Variants in KCNMB2 observed in about 807,000 individuals in gnomAD.
The protein encoded by KCNMB2 is calcium-activated potassium channel subunit beta-2.
A neutral mutation model predicts 24.5 loss-of-function variants in KCNMB2; 9 were observed. The ratio of observed to expected loss-of-function variants is 0.37; its 90% confidence interval spans 0.22 to 0.64. KCNMB2 has a LOEUF of 0.64. Ranked by LOEUF, KCNMB2 falls within the 30% of genes least tolerant of loss-of-function variation. The probability of loss-of-function intolerance (pLI) is 0.63; values close to 1 mark genes in which losing one functional copy is unlikely to be tolerated. For missense variants in KCNMB2, 226 were observed against 284.3 expected, an observed-to-expected ratio of 0.79 and a Z score of 1.47; for synonymous variants, 109 against 104.4, an observed-to-expected ratio of 1.04 and a Z score of -0.27.
chr3:178,735,343 G>A (rs1723282905), intron 1 of KCNMB2, among the ~76,000 whole-genome samples: 1 of 152,142 alleles, frequency 6.6e-6, no homozygotes, highest in Admixed American at 6.5e-5. Context: ...GCCAAGAAAG[G>A]CACCAAAAAT....
chr3:178,624,910 C>A, intron 1 of KCNMB2, among the ~76,000 whole-genome samples: 1 of 152,010 alleles, frequency 6.6e-6, no homozygotes, highest in East Asian at 1.9e-4. Context: ...CATTCAGATT[C>A]CTTCCTGGCT....
At chr3:178,769,641 A>C (rs1032313866) in intron 1 of KCNMB2, among the ~76,000 whole-genome samples, 3 of 152,244 alleles carry the variant, frequency 2.0e-5, no homozygotes, top group Non-Finnish European at 4.4e-5. Flanking sequence ...TCCCCAAATT[A>C]ATTCAAAAAT....
At chr3:178,827,923 TAAGTC>T (rs759350907) in intron 3 of KCNMB2, among the ~76,000 whole-genome samples, 3 of 152,206 alleles carry the variant, frequency 2.0e-5, no homozygotes, top group Non-Finnish European at 2.9e-5. Context: ...AAAAAGAACT[TAAGTC>T]AAGCACTGGA....
intron 1 of KCNMB2, among the ~76,000 whole-genome samples, chr3:178,556,491 G>A (rs534115887): frequency 1.2e-4 from 19 of 152,202 alleles, no homozygotes; most frequent in Admixed American, 7.8e-4. Context: ...TGCAACCTCC[G>A]CCTTCCGGTT....
chr3:178,773,550 G>A (rs534870570), intron 1 of KCNMB2, among the ~76,000 whole-genome samples: 9 of 152,210 alleles, frequency 5.9e-5, no homozygotes, highest in Admixed American at 5.9e-4. Context: ...GGAATGTAAT[G>A]AGGAGAATGT....
At chr3:178,696,760 A>G (rs1490487937) in intron 1 of KCNMB2, among the ~76,000 whole-genome samples, 2 of 152,160 alleles carry the variant, frequency 1.3e-5, no homozygotes, top group African/African-American at 4.8e-5. Flanking sequence ...CCCTTTTAAC[A>G]TCACCTTAGC....
intron 2 of KCNMB2, among the ~76,000 whole-genome samples, chr3:178,822,170 A>G (rs1238037416): frequency 6.6e-6 from 1 of 152,216 alleles, no homozygotes; most frequent in Non-Finnish European, 1.5e-5. Context: ...ATATTAAAAC[A>G]GTTGTAGTTT....
intron 1 of KCNMB2, among the ~76,000 whole-genome samples, chr3:178,704,393 A>G (rs944408263): frequency 3.3e-5 from 5 of 152,152 alleles, no homozygotes; most frequent in Admixed American, 2.6e-4. Context: ...CTAGACTTAG[A>G]TATCTGTCTA....
At chr3:178,609,112 T>C (rs1042241248) in intron 1 of KCNMB2, among the ~76,000 whole-genome samples, 3 of 152,220 alleles carry the variant, frequency 2.0e-5, no homozygotes, top group Non-Finnish European at 4.4e-5. Context: ...CCACAAACAA[T>C]GTACAACAGT....
intron 1 of KCNMB2, among the ~76,000 whole-genome samples, chr3:178,741,632 C>T (rs1433267569): frequency 1.3e-5 from 2 of 152,178 alleles, no homozygotes; most frequent in Non-Finnish European, 2.9e-5. Flanking sequence ...TTGATCCTCT[C>T]CAGGCTTCCA....
intron 1 of KCNMB2, among the ~76,000 whole-genome samples, chr3:178,613,334 T>A (rs564114759): frequency 1.3e-5 from 2 of 152,328 alleles, no homozygotes; most frequent in African/African-American, 4.8e-5. Flanking sequence ...GAGGCAGAGG[T>A]TGCCGTGAGC....
Position 178,655,705 on chromosome 3 carries a change from C to T in KCNMB2, c.-68+118994C>T, listed in dbSNP as rs58303760. ...GAGTGAGGTTTTCAGAGGCCAGGAA[C>T]GCCCAGGTCCTGGGCTCTGGGCAGC... On this transcript the variant is annotated intron_variant, in intron 1 of 4. Coordinates refer to ENST00000452583, the MANE Select transcript of KCNMB2 (RefSeq NM_181361.3). Among the ~76,000 whole-genome samples the T allele has an allele frequency of 2.5e-3, 379 of 152,306 alleles. 14 individuals carry two copies. In the East Asian group the frequency reaches 0.043, roughly 17 times the overall value.
intron 1 of KCNMB2, among the ~76,000 whole-genome samples, chr3:178,656,048 G>T (rs1353892265): frequency 6.6e-6 from 1 of 152,132 alleles, no homozygotes; most frequent in East Asian, 1.9e-4. Flanking sequence ...CTTTTTGAAA[G>T]TGGCAACAAT....
intron 1 of KCNMB2, among the ~76,000 whole-genome samples, chr3:178,734,338 G>A (rs566236688): frequency 3.3e-5 from 5 of 152,306 alleles, no homozygotes; most frequent in African/African-American, 1.2e-4. Flanking sequence ...CATTTCGGAT[G>A]TTGGACTTTC....
At chr3:178,814,814 GTTAT>G (rs986820603) in intron 2 of KCNMB2, among the ~76,000 whole-genome samples, 1 of 152,098 alleles carries the variant, frequency 6.6e-6, no homozygotes, top group East Asian at 1.9e-4. Flanking sequence ...TTTTCAATGG[GTTAT>G]TTGTTTTCTC....
At chr3:178,573,651 G>A (rs1009060786) in intron 1 of KCNMB2, among the ~76,000 whole-genome samples, 1 of 150,288 alleles carries the variant, frequency 6.7e-6, no homozygotes, top group Non-Finnish European at 1.5e-5. Context: ...GGAGGCTGAG[G>A]TGGGAGGATT....
At chr3:178,674,604 AG>A (rs1243624231) in intron 1 of KCNMB2, among the ~76,000 whole-genome samples, 1 of 151,950 alleles carries the variant, frequency 6.6e-6, no homozygotes, top group African/African-American at 2.4e-5. Flanking sequence ...CAATTATCTC[AG>A]GTCTCCCTGC....
At chr3:178,544,590 G>A (rs1004541060) in intron 1 of KCNMB2, among the ~76,000 whole-genome samples, 9 of 152,084 alleles carry the variant, frequency 5.9e-5, no homozygotes, top group African/African-American at 2.2e-4. Context: ...TTATAATACT[G>A]GACAGGAGGG....
At chr3:178,771,401 C>T (rs1435729996) in intron 1 of KCNMB2, among the ~76,000 whole-genome samples, 1 of 151,078 alleles carries the variant, frequency 6.6e-6, no homozygotes, top group Non-Finnish European at 1.5e-5. Context: ...AGGCAAAAGA[C>T]AAGTCCTGGA....
Sources: gnomAD v4.1 joint callset for allele counts (sites outside exome capture counted in the v4.1 genomes callset) on GRCh38, gnomAD v4.1.1 for gene constraint, MANE v1.5 for transcripts, NCBI Gene and HGNC (gene_info 2026-07-23, HGNC 2026-07-21) for gene names.